Variants in CMIP observed in about 807,000 individuals in gnomAD.
CMIP encodes the protein C-Maf-inducing protein.
In CMIP, 13 loss-of-function variants were observed where a neutral mutation model predicts 97.3. The ratio of observed to expected loss-of-function variants is 0.13; its 90% CI spans 0.09 to 0.21. CMIP has a LOEUF of 0.21. CMIP is among the 10% of genes least tolerant of loss of function. The probability of loss-of-function intolerance (pLI) is 1.00; values close to 1 mark genes in which losing one functional copy is unlikely to be tolerated. For missense variants in CMIP, 847 were observed against 1,024.9 expected (o/e 0.83, Z 2.37); for synonymous variants, 538 against 436.3 (o/e 1.23, Z -2.91).
intron 1 of CMIP, among the ~76,000 whole-genome samples, chr16:81,540,928 C>T (rs1203449602): frequency 4.6e-5 from 7 of 151,270 alleles, no homozygotes; most frequent in South Asian, 2.1e-4. Flanking sequence ...GATCCACCCA[C>T]GTCTGCTTCC....
At chr16:81,527,135 A>G (rs1333245469) in intron 1 of CMIP, among the ~76,000 whole-genome samples, 1 of 152,182 alleles carries the variant, frequency 6.6e-6, no homozygotes, top group East Asian at 1.9e-4. Flanking sequence ...AGAATTTCTC[A>G]GCTCTCCAGC....
chr16:81,494,461 C>G (rs2089454901), intron 1 of CMIP, among the ~76,000 whole-genome samples: 1 of 152,162 alleles, frequency 6.6e-6, no homozygotes, highest in Admixed American at 6.5e-5. Flanking sequence ...TGGGAAGGGC[C>G]TTCTCTAGAG....
intron 1 of CMIP, among the ~76,000 whole-genome samples, chr16:81,521,780 A>G (rs2090032752): frequency 2.0e-5 from 3 of 152,200 alleles, no homozygotes; most frequent in African/African-American, 7.2e-5. Flanking sequence ...TTAGGGGGTC[A>G]GTTGGGTTTT....
intron 1 of CMIP, among the ~76,000 whole-genome samples, chr16:81,456,914 C>T (rs1328140196): frequency 6.6e-6 from 1 of 152,198 alleles, no homozygotes; most frequent in African/African-American, 2.4e-5. Context: ...GCAGACCCAT[C>T]TCCGGAGGAG....
At chr16:81,477,324 C>T (rs1304622277) in intron 1 of CMIP, among the ~76,000 whole-genome samples, 1 of 152,098 alleles carries the variant, frequency 6.6e-6, no homozygotes, top group Admixed American at 6.6e-5. Flanking sequence ...CCACGCCTGG[C>T]TAATTTTTAT....
intron 4 of CMIP, among the ~76,000 whole-genome samples, chr16:81,654,823 T>C (rs536956714): frequency 1.3e-5 from 2 of 152,250 alleles, no homozygotes; most frequent in African/African-American, 2.4e-5. Flanking sequence ...CCCCTGCACA[T>C]AGATGTGAGA....
At chr16:81,476,477 C>A (rs974312480) in intron 1 of CMIP, 4 of 771,274 alleles carry the variant, frequency 5.2e-6, no homozygotes, top group Non-Finnish European at 2.3e-6. Context: ...CCCAAGGGCT[C>A]GCCGTTGACA....
chr16:81,485,884 C>G (rs1455862609), intron 1 of CMIP, among the ~76,000 whole-genome samples: 2 of 152,162 alleles, frequency 1.3e-5, no homozygotes, highest in African/African-American at 4.8e-5. Context: ...CTTGGACCAC[C>G]ATACTGTAGA....
chr16:81,689,385 C>G (rs369897024), intron 10 of CMIP, among the ~76,000 whole-genome samples: 7 of 152,072 alleles, frequency 4.6e-5, no homozygotes, highest in African/African-American at 9.6e-5. Flanking sequence ...TTGTGGTTTT[C>G]ATTTGCATTT....
At chr16:81,550,819 C>G (rs1043084585) in intron 1 of CMIP, among the ~76,000 whole-genome samples, 8 of 151,748 alleles carry the variant, frequency 5.3e-5, no homozygotes, top group African/African-American at 1.7e-4. Context: ...AGTCCTAACC[C>G]CATTCTGTGC....
At chr16:81,537,432 G>A (rs1464169542) in intron 1 of CMIP, among the ~76,000 whole-genome samples, 2 of 151,386 alleles carry the variant, frequency 1.3e-5, no homozygotes, top group East Asian at 3.9e-4. Flanking sequence ...CCACTTGGGA[G>A]GCTGAGACAG....
chr16:81,704,121 C>G, intron 18 of CMIP, 36 bp downstream of exon 18: 1 of 1,581,486 alleles, frequency 6.3e-7, no homozygotes, highest in Non-Finnish European at 8.6e-7. Flanking sequence ...CCCCCACACC[C>G]TCCTCCTTCA....
chr16:81,483,325 G>GT (rs1435581508), intron 1 of CMIP, among the ~76,000 whole-genome samples: 13 of 95,532 alleles, frequency 1.4e-4, no homozygotes, highest in Admixed American at 2.6e-4. Context: ...CAATTTACCT[G>GT]GTTTTTTTTC....
chr16:81,693,902 C>T (rs565385399), intron 13 of CMIP, among the ~76,000 whole-genome samples: 1 of 152,310 alleles, frequency 6.6e-6, no homozygotes, highest in Non-Finnish European at 1.5e-5. Flanking sequence ...AAGGGTTTCC[C>T]TGAAGGGCTG....
At chr16:81,558,546 C>T (rs547679865) in intron 1 of CMIP, among the ~76,000 whole-genome samples, 6 of 152,280 alleles carry the variant, frequency 3.9e-5, no homozygotes, top group Middle Eastern at 3.4e-3. Context: ...CACAGGACAC[C>T]GCAGAGATGA....
At chr16:81,515,135 C>G (rs2089887748) in intron 1 of CMIP, among the ~76,000 whole-genome samples, 1 of 152,198 alleles carries the variant, frequency 6.6e-6, no homozygotes, top group Non-Finnish European at 1.5e-5. Context: ...TTTCCCTGTG[C>G]CAGACCGTCT....
intron 1 of CMIP, among the ~76,000 whole-genome samples, chr16:81,516,638 C>G (rs1351321818): frequency 6.6e-6 from 1 of 152,202 alleles, no homozygotes; most frequent in African/African-American, 2.4e-5. Context: ...TTGTGCGTCA[C>G]TGCTGGGGAT....
rs759980584 is a variant in CMIP, at chr16:81,678,557, C to T, written c.1317C>T (p.Ser439=). The change falls in exon 10 of 21, where the codon AGC becomes AGT. Residue 439 remains serine, a synonymous_variant. Transcript: ENST00000537098. ...GCCTCATGGTCAGCCCCGCCTGCAGCACCATGAGCATCGAGCTGGGCCCCC... is the reference window on the plus strand; with the variant it reads ...GCCTCATGGTCAGCCCCGCCTGCAGTACCATGAGCATCGAGCTGGGCCCCC... ...IDCLMVSPAC[S]TMSIELGPQA... 1.6e-5 allele frequency: 26 copies of T among 1,608,416 alleles called. No homozygotes were observed. The highest frequency in any genetic ancestry group is 2.7e-5 in the African/African-American group (2 of 75,044).
At chr16:81,682,136 G>A (rs1026259981) in intron 10 of CMIP, among the ~76,000 whole-genome samples, 8 of 152,124 alleles carry the variant, frequency 5.3e-5, no homozygotes, top group African/African-American at 1.2e-4. Context: ...CCCGGGGGGC[G>A]GAGGTTGCAG....
Sources: gnomAD v4.1 joint callset for allele counts (sites outside exome capture counted in the v4.1 genomes callset) on GRCh38, gnomAD v4.1.1 for gene constraint, MANE v1.5 for transcripts, NCBI Gene and HGNC (gene_info 2026-07-23, HGNC 2026-07-21) for gene names.